Variants in WDFY4 observed in about 807,000 individuals in gnomAD.
WDFY4 encodes WDFY family member 4.
Under a neutral mutation model 351.9 loss-of-function variants are expected in WDFY4, and 169 were observed. The observed-to-expected ratio is 0.48, with a 90% CI of 0.42 to 0.55. The LOEUF is 0.55. Among genes scored for constraint, WDFY4 ranks in the 20% least tolerant of loss-of-function variants. The probability of loss-of-function intolerance (pLI) is 0.00; values close to 1 mark genes in which losing one functional copy is unlikely to be tolerated. For synonymous variants in WDFY4, 1,622 were observed against 1,574.6 expected (o/e 1.03, Z -0.71); for missense variants, 3,803 against 3,935.6 (o/e 0.97, Z 0.90).
chr10:48,916,871 ATG>A (rs55891907), intron 47 of WDFY4, among the ~76,000 whole-genome samples: 20,813 of 149,130 alleles, frequency 0.14, 1,569 homozygotes, highest in Middle Eastern at 0.26. Context: ...CTTTAAAAAT[ATG>A]TGTGTGTGTG....
chr10:48,928,114 G>C (rs186638041), intron 47 of WDFY4, among the ~76,000 whole-genome samples: 44 of 152,260 alleles, frequency 2.9e-4, no homozygotes, highest in Non-Finnish European at 5.4e-4. Flanking sequence ...TCTCCTCACA[G>C]CTCCTCTCCT....
At chr10:48,711,573 G>T (rs2063768514) in intron 2 of WDFY4, among the ~76,000 whole-genome samples, 2 of 152,280 alleles carry the variant, frequency 1.3e-5, no homozygotes, top group Middle Eastern at 6.8e-3. Context: ...TGAAAGGACT[G>T]CACCCAAGAG....
At chr10:48,832,988 A>G (rs2068245037) in intron 39 of WDFY4, among the ~76,000 whole-genome samples, 1 of 152,162 alleles carries the variant, frequency 6.6e-6, no homozygotes. Flanking sequence ...GTGGACAGAA[A>G]CATTCACTTC....
intron 46 of WDFY4, 44 bp downstream of exon 46, chr10:48,900,350 C>A (rs1375614562): frequency 6.6e-7 from 1 of 1,505,668 alleles, no homozygotes; most frequent in Admixed American, 2.0e-5. Context: ...TGATCCTGAA[C>A]TGAGAGCAGA....
intron 1 of WDFY4, among the ~76,000 whole-genome samples, chr10:48,706,172 C>A (rs772403998): frequency 6.4e-4 from 97 of 152,322 alleles, no homozygotes; most frequent in Admixed American, 5.4e-3. Flanking sequence ...GCCATCAGCA[C>A]GTAGGTTAAT....
chr10:48,829,522 T>C (rs568764348), intron 37 of WDFY4, among the ~76,000 whole-genome samples: 1 of 152,182 alleles, frequency 6.6e-6, no homozygotes, highest in Admixed American at 6.5e-5. Flanking sequence ...GTTTGCAGAC[T>C]GTTACACTTA....
At chr10:48,902,094 C>T (rs1837385797) in intron 47 of WDFY4, among the ~76,000 whole-genome samples, 1 of 152,202 alleles carries the variant, frequency 6.6e-6, no homozygotes, top group Non-Finnish European at 1.5e-5. Flanking sequence ...TTTTTCAGAC[C>T]CAAGTGGCAG....
In WDFY4 at chr10:48,788,510, T is replaced by C; in HGVS notation, c.3809-20T>C. 4 of 1,550,010 alleles carry C rather than the reference T, an allele frequency of 2.6e-6. No homozygotes were observed. The highest frequency in any genetic ancestry group is 3.5e-6 in the Non-Finnish European group (4 of 1,145,810). On this transcript the variant is annotated intron_variant, in intron 20 of 61. Coordinates refer to ENST00000325239, the MANE Select transcript of WDFY4 (RefSeq NM_001394531.1). Reference sequence around the variant, plus strand: ...CTCTGTAAAGTTAGACTAGAAATGTTTAAAGATGTGTTGTTACAGGGGAGG... The same window carrying C: ...CTCTGTAAAGTTAGACTAGAAATGTCTAAAGATGTGTTGTTACAGGGGAGG...
intron 58 of WDFY4, 123 bp downstream of exon 58, chr10:48,975,164 A>C: frequency 7.7e-7 from 1 of 1,296,216 alleles, no homozygotes; most frequent in Non-Finnish European, 1.1e-6. Context: ...AGGGCCCCCA[A>C]TTGTGTGGAA....
chr10:48,928,599 T>A (rs1839786075), intron 47 of WDFY4, among the ~76,000 whole-genome samples: 1 of 152,210 alleles, frequency 6.6e-6, no homozygotes, highest in Non-Finnish European at 1.5e-5. Context: ...ACATTGCTCC[T>A]TTGAGCTGCA....
chr10:48,921,838 T>C (rs1802224608), intron 47 of WDFY4, among the ~76,000 whole-genome samples: 1 of 152,188 alleles, frequency 6.6e-6, no homozygotes, highest in Admixed American at 6.5e-5. Flanking sequence ...AAGGAGATGC[T>C]GCAACTAGAG....
chr10:48,761,434 G>A (rs1208227475), intron 13 of WDFY4, among the ~76,000 whole-genome samples: 6 of 152,302 alleles, frequency 3.9e-5, no homozygotes, highest in Admixed American at 2.0e-4. Flanking sequence ...CTCTGCCTGC[G>A]GTCCATGTGA....
chr10:48,893,359 T>G (rs960530332), intron 44 of WDFY4, among the ~76,000 whole-genome samples: 2 of 152,208 alleles, frequency 1.3e-5, no homozygotes, highest in African/African-American at 4.8e-5. Context: ...GTACTGAGGG[T>G]TAGGATTTCA....
At chr10:48,699,961 T>C (rs985188335) in intron 1 of WDFY4, among the ~76,000 whole-genome samples, 3 of 152,214 alleles carry the variant, frequency 2.0e-5, no homozygotes, top group African/African-American at 7.2e-5. Context: ...TATAAATTCC[T>C]GAGACCCACC....
At chr10:48,871,854 G>A (rs2069796653) in intron 40 of WDFY4, among the ~76,000 whole-genome samples, 2 of 152,266 alleles carry the variant, frequency 1.3e-5, no homozygotes, top group African/African-American at 4.8e-5. Context: ...GAACTGTAGA[G>A]AAACAAAATG....
In WDFY4 at chr10:48,970,275, T is replaced by C. The variant is rs1156279467; in HGVS notation, c.8914T>C (p.Leu2972=). ...LSMTKGRPRG[L]RLRQALYGHT... is the part of the protein sequence containing the mutation. ...CATGACCAAAGGCCGCCCGAGGGGC[T>C]TGCGCCTCCGGCAGGTATGGTCCAG... is the stretch of plus-strand genomic sequence containing the variant. Residue 2972 remains leucine (L), a synonymous_variant, in exon 57 of 62, where the codon TTG becomes CTG. Coordinates refer to ENST00000325239, the MANE Select transcript of WDFY4 (RefSeq NM_001394531.1). 2.6e-6 allele frequency: 4 copies of C among 1,551,020 alleles called. No individual in the cohort carries two copies. The South Asian group carries it at 4.8e-5, about 18-fold the overall frequency.
intron 2 of WDFY4, among the ~76,000 whole-genome samples, chr10:48,713,238 C>A (rs747965905): frequency 1.2e-4 from 18 of 152,166 alleles, no homozygotes; most frequent in Non-Finnish European, 2.1e-4. Flanking sequence ...TCCTAAGTTG[C>A]TGTCACCTGG....
At chr10:48,969,791 C>A (rs1842258111) in intron 56 of WDFY4, among the ~76,000 whole-genome samples, 1 of 152,116 alleles carries the variant, frequency 6.6e-6, no homozygotes, top group African/African-American at 2.4e-5. Context: ...CAAGCTCTCC[C>A]CAGCCCCTCC....
intron 57 of WDFY4, among the ~76,000 whole-genome samples, chr10:48,972,257 T>C (rs1842369494): frequency 2.0e-5 from 3 of 152,192 alleles, no homozygotes; most frequent in African/African-American, 2.4e-5. Context: ...AGGAAAGTCA[T>C]CACTGAAGAG....
Sources: gnomAD v4.1 joint callset for allele counts (sites outside exome capture counted in the v4.1 genomes callset) on GRCh38, gnomAD v4.1.1 for gene constraint, MANE v1.5 for transcripts, NCBI Gene and HGNC (gene_info 2026-07-23, HGNC 2026-07-21) for gene names.